Variants in MAU2 observed in about 807,000 individuals in gnomAD.
MAU2 encodes MAU2 sister chromatid cohesion factor, also known as MAU2 chromatid cohesion factor homolog.
A neutral mutation model predicts 89.1 loss-of-function variants in MAU2; 9 were observed. That is an observed-to-expected ratio of 0.10 (90% CI 0.06 to 0.18). The LOEUF (loss-of-function observed/expected upper bound fraction) is 0.18, where lower values mean the gene tolerates loss of function less well. Among genes scored for constraint, MAU2 ranks in the 10% least tolerant of loss-of-function variants. The pLI is 1.00. For synonymous variants in MAU2, 357 were observed against 343.4 expected (o/e 1.04, Z -0.44); for missense variants, 425 against 803.5 (o/e 0.53, Z 5.69).
intron 3 of MAU2, among the ~76,000 whole-genome samples, chr19:19,336,496 G>A (rs910950047): frequency 2.0e-5 from 3 of 151,944 alleles, no homozygotes; most frequent in Non-Finnish European, 2.9e-5. Flanking sequence ...AGATGATCTC[G>A]CCCAGGCTGG....
Position 19,345,502 on chromosome 19 carries a change from G to T in MAU2, c.1221+133G>T, listed in dbSNP as rs558074912. On this transcript the variant is annotated intron_variant, in intron 12 of 18. Transcript: ENST00000262815. The surrounding 1 kb of genome is among the most constrained non-coding windows in gnomAD (Gnocchi z 4.9). ...GCCGCAGCCCCAGAGGCAATGCACAGTAGTCAGCCCATGCCAGCCTTGGCA... is the reference window on the plus strand; with the variant it reads ...GCCGCAGCCCCAGAGGCAATGCACATTAGTCAGCCCATGCCAGCCTTGGCA... 2.4e-6 allele frequency: 2 copies of T among 836,738 alleles called. No individual in the cohort carries two copies. The highest frequency in any genetic ancestry group is 3.9e-6 in the Non-Finnish European group (2 of 506,580). 51.8% of individuals were successfully genotyped at this position (836,738 alleles called of 1,614,324 possible). A position where few individuals can be genotyped will look rare whatever the true frequency, so the allele number is the denominator to read the frequency against.
At chr19:19,340,913 G>A (rs1195602185) in intron 6 of MAU2, 40 bp downstream of exon 6, 3 of 1,611,706 alleles carry the variant, frequency 1.9e-6, no homozygotes, top group Non-Finnish European at 2.5e-6. Context: ...AGCTGGTGTT[G>A]TGGAGGTGAG....
rs182512193 is a variant in MAU2 at position 19,336,317 on chromosome 19, G to A, written c.360+130G>A. ...TTTTTTTGTTTTTTTGGTCGGGGTG[G>A]GAGGACAGGGTCTCACTCTGTCGCC... On this transcript the variant is annotated intron_variant, in intron 3 of 18. Coordinates refer to ENST00000262815, the MANE Select transcript of MAU2 (RefSeq NM_015329.4). 2.7e-4 allele frequency: 179 copies of A among 651,418 alleles called. No individual in the cohort carries two copies. In the African/African-American group the frequency reaches 2.9e-3, roughly 11 times the overall value. 40.4% of individuals were successfully genotyped at this position (651,418 alleles called of 1,614,324 possible). A position where few individuals can be genotyped will look rare whatever the true frequency, so the allele number is the denominator to read the frequency against.
intron 1 of MAU2, among the ~76,000 whole-genome samples, chr19:19,335,257 C>T (rs567036310): frequency 1.3e-5 from 2 of 152,224 alleles, no homozygotes; most frequent in African/African-American, 2.4e-5. Context: ...GAAGGACTAA[C>T]CTTGCCCCCC....
In MAU2 at chr19:19,345,225, GC is replaced by G; in HGVS notation, c.1156-75del. On this transcript the variant is annotated intron_variant, in intron 11 of 18. Transcript: ENST00000262815. This position sits in a 1 kb window ranked among gnomAD's most constrained non-coding sequence, Gnocchi z 4.9. ...ATACTCCTCCAGGGCAGCCGTGCAG[GC>G]CCCGGGCACACCACGTGTCTCTGAT... 7.6e-7 allele frequency: 1 copy of G among 1,307,966 alleles called. No homozygotes were observed. Among genetic ancestry groups the G allele is most frequent in the Non-Finnish European group, 1.1e-6 (1 of 904,498 alleles). The allele number at this position is 1,307,966 out of a possible 1,614,324, so 81.0% of individuals were successfully genotyped here. A position where few individuals can be genotyped will look rare whatever the true frequency, so the allele number is the denominator to read the frequency against.
chr19:19,323,290 G>T (rs1258356818), intron 1 of MAU2, among the ~76,000 whole-genome samples: 1 of 151,648 alleles, frequency 6.6e-6, no homozygotes, highest in East Asian at 1.9e-4. Flanking sequence ...CGTCTCGTGG[G>T]TTCAAGCAAT....
chr19:19,341,164 G>A, intron 6 of MAU2, 88 bp from the exon 7 acceptor site: 1 of 1,470,916 alleles, frequency 6.8e-7, no homozygotes, highest in Non-Finnish European at 9.2e-7. Flanking sequence ...AGCAGTCCCA[G>A]GGCAGGTGGG....
chr19:19,348,647 C>T (rs554829335), intron 13 of MAU2: 248 of 620,564 alleles, frequency 4.0e-4, no homozygotes, highest in Non-Finnish European at 6.0e-4. Flanking sequence ...GCCTTCTGGA[C>T]GCCCAGGCCC....
intron 9 of MAU2, 106 bp from the exon 10 acceptor site, chr19:19,343,731 C>CCTAGCCAGTGTGGCAGTCT: frequency 2.5e-6 from 2 of 787,836 alleles, no homozygotes; most frequent in Non-Finnish European, 4.4e-6. Context: ...GGGGTGGGTG[C>CCTAGCCAGTGTGGCAGTCT]CTAGCCAGTG....
intron 1 of MAU2, among the ~76,000 whole-genome samples, chr19:19,333,017 C>T (rs372850413): frequency 1.3e-5 from 2 of 151,764 alleles, no homozygotes; most frequent in East Asian, 1.9e-4. Flanking sequence ...GCGGAGGTTG[C>T]GGTGAGCTGA....
intron 5 of MAU2, among the ~76,000 whole-genome samples, chr19:19,340,399 G>A (rs192418617): frequency 2.0e-5 from 3 of 151,970 alleles, no homozygotes; most frequent in African/African-American, 7.2e-5. Context: ...CAGCACTTTG[G>A]GAGGCCGAGG....
chr19:19,336,413 C>T (rs1193335786), intron 3 of MAU2, among the ~76,000 whole-genome samples: 1 of 152,160 alleles, frequency 6.6e-6, no homozygotes, highest in African/African-American at 2.4e-5. Flanking sequence ...GATCCTCCCA[C>T]CTCAGCCTCC....
At chr19:19,323,437 G>T (rs1235262382) in intron 1 of MAU2, among the ~76,000 whole-genome samples, 1 of 152,024 alleles carries the variant, frequency 6.6e-6, no homozygotes, top group South Asian at 2.1e-4. Flanking sequence ...CAAGTGATCC[G>T]CCCATCTTGT....
At position 19,358,429 on chromosome 19, in the gene MAU2, A is replaced by T. The variant is rs2048203091; in HGVS notation, c.*2647A>T. Reference sequence around the variant, plus strand: ...TCCTCTCCCTGGGATAAGCACTCCCAGCCCCGTTTATCAGAAACACAGGCA... The same window carrying T: ...TCCTCTCCCTGGGATAAGCACTCCCTGCCCCGTTTATCAGAAACACAGGCA... On this transcript the variant is annotated 3_prime_UTR_variant, in exon 19 of 19. Transcript: ENST00000262815. The T allele has an allele frequency of 6.6e-6, 1 of 152,212 alleles. No individual in the cohort carries two copies. Among genetic ancestry groups the T allele is most frequent in the Non-Finnish European group, 1.5e-5 (1 of 68,034 alleles). The allele number at this position is 152,212 out of a possible 1,614,324, so 9.4% of individuals were successfully genotyped here.
rs917788764 is a variant in MAU2 at position 19,345,945 on chromosome 19, C to G, written c.1221+576C>G. Reference sequence around the variant, plus strand: ...ATTGTGTCCCCACCTCAGCCTCAACCTCCTCACAGGAAATGGAGGCTGTGG... The same window carrying G: ...ATTGTGTCCCCACCTCAGCCTCAACGTCCTCACAGGAAATGGAGGCTGTGG... On this transcript the variant is annotated intron_variant, in intron 12 of 18. Transcript: ENST00000262815. The surrounding 1 kb of genome is among the most constrained non-coding windows in gnomAD (Gnocchi z 4.9). Among the ~76,000 whole-genome samples, 1 of 152,210 alleles carries G rather than the reference C, an allele frequency of 6.6e-6. No homozygotes were observed. The highest frequency in any genetic ancestry group is 1.5e-5 in the Non-Finnish European group (1 of 68,034).
At chr19:19,331,199 A>G (rs992239786) in intron 1 of MAU2, among the ~76,000 whole-genome samples, 5 of 150,312 alleles carry the variant, frequency 3.3e-5, no homozygotes, top group African/African-American at 9.8e-5. Flanking sequence ...TTAGCATTAC[A>G]AAGTTAAAAA....
chr19:19,354,303 C>T (rs370042323), intron 16 of MAU2, 52 bp from the exon 17 acceptor site: 38 of 1,464,154 alleles, frequency 2.6e-5, no homozygotes, highest in East Asian at 2.0e-4. Context: ...GGGCTGGGTT[C>T]GGCAAGTGGG....
intron 13 of MAU2, chr19:19,348,672 A>C: frequency 1.5e-6 from 1 of 649,824 alleles, no homozygotes; most frequent in South Asian, 1.7e-5. Flanking sequence ...CACCTACTGC[A>C]GGACAGGGTG....
chr19:19,337,123 T>TG, intron 3 of MAU2, 47 bp from the exon 4 acceptor site: 1 of 1,043,864 alleles, frequency 9.6e-7, no homozygotes, highest in Non-Finnish European at 1.3e-6. Context: ...ATTGCCGCCT[T>TG]GTTTTTTTTT....
Sources: gnomAD v4.1 joint callset for allele counts (sites outside exome capture counted in the v4.1 genomes callset) on GRCh38, gnomAD v4.1.1 for gene constraint, Gnocchi (gnomAD v3.1) non-coding constraint, MANE v1.5 for transcripts, NCBI Gene and HGNC (gene_info 2026-07-23, HGNC 2026-07-21) for gene names.